Variants in HS3ST4 observed in about 807,000 individuals in gnomAD.
The protein encoded by HS3ST4 is heparan sulfate glucosamine 3-O-sulfotransferase 4.
HS3ST4 carries 17 observed loss-of-function variants against 29.2 expected under a neutral mutation model. That is an observed-to-expected ratio of 0.58 (90% confidence interval 0.40 to 0.87). The LOEUF is 0.87. HS3ST4 is among the 40% of genes least tolerant of loss of function. The probability of loss-of-function intolerance (pLI) is 0.00; values close to 1 mark genes in which losing one functional copy is unlikely to be tolerated. For synonymous variants in HS3ST4, 314 were observed against 285.7 expected (o/e 1.10, Z -1.00); for missense variants, 627 against 634.5 (o/e 0.99, Z 0.13).
At chr16:25,748,170 G>A (rs1966696301) in intron 1 of HS3ST4, among the ~76,000 whole-genome samples, 1 of 152,150 alleles carries the variant, frequency 6.6e-6, no homozygotes, top group South Asian at 2.1e-4. Context: ...CCCCAGAGCT[G>A]CTGCATCCTG....
chr16:25,950,770 C>T (rs1388080883), intron 1 of HS3ST4, among the ~76,000 whole-genome samples: 1 of 152,118 alleles, frequency 6.6e-6, no homozygotes, highest in Admixed American at 6.6e-5. Context: ...ATCAGCTGAG[C>T]TTGAGTTCCT....
chr16:26,136,043 A>C lies in HS3ST4; in HGVS notation c.1166A>C (p.Asn389Thr). 6.2e-7 allele frequency: 1 copy of C among 1,613,944 alleles called. No homozygotes were observed. Among genetic ancestry groups the C allele is most frequent in the South Asian group, 1.1e-5 (1 of 91,088 alleles). Reference protein sequence around the residue: ...RVVTEKHFYFNKTKGFPCLKK... With the variant: ...RVVTEKHFYFTKTKGFPCLKK... ...GTGACTGAGAAGCATTTCTATTTCA[A>C]CAAAACCAAGGGGTTCCCTTGCCTA... Residue 389 changes from asparagine to threonine, a missense_variant, in exon 2 of 2, where the codon AAC becomes ACC. Physicochemically the swap from Asn to Thr is moderately conservative, Grantham distance 65. Coordinates refer to ENST00000331351, the MANE Select transcript of HS3ST4 (RefSeq NM_006040.3).
chr16:25,882,438 T>C (rs1186783456), intron 1 of HS3ST4, among the ~76,000 whole-genome samples: 2 of 152,174 alleles, frequency 1.3e-5, no homozygotes, highest in Non-Finnish European at 2.9e-5. Context: ...CAGAGGGCTA[T>C]GTCAGCTTCA....
chr16:25,932,572 T>G (rs190645447), intron 1 of HS3ST4, among the ~76,000 whole-genome samples: 114 of 152,246 alleles, frequency 7.5e-4, no homozygotes, highest in African/African-American at 2.7e-3. Context: ...ATGTTATTAC[T>G]CCCACTACCT....
chr16:25,725,738 A>G (rs1966530806), intron 1 of HS3ST4, among the ~76,000 whole-genome samples: 1 of 150,702 alleles, frequency 6.6e-6, no homozygotes. Context: ...GAATGCAAAT[A>G]CATATAATTT....
At chr16:26,000,465 T>C (rs1969203007) in intron 1 of HS3ST4, among the ~76,000 whole-genome samples, 1 of 152,192 alleles carries the variant, frequency 6.6e-6, no homozygotes, top group South Asian at 2.1e-4. Flanking sequence ...GGAATACGTA[T>C]GTATCCTTGA....
At chr16:25,981,671 G>GA (rs35909887) in intron 1 of HS3ST4, among the ~76,000 whole-genome samples, 136,237 of 150,144 alleles carry the variant, frequency 0.91, 61,956 homozygotes, top group Admixed American at 0.94. Context: ...GGAGTACTTA[G>GA]ATAAACATTT....
At chr16:25,864,350 G>GA (rs57235072) in intron 1 of HS3ST4, among the ~76,000 whole-genome samples, 27,380 of 151,880 alleles carry the variant, frequency 0.18, 2,724 homozygotes, top group African/African-American at 0.27. Flanking sequence ...ACTTTTAAGT[G>GA]TGCAAAGCAT....
At chr16:26,080,878 G>T (rs1329135902) in intron 1 of HS3ST4, among the ~76,000 whole-genome samples, 2 of 152,182 alleles carry the variant, frequency 1.3e-5, no homozygotes, top group African/African-American at 4.8e-5. Flanking sequence ...CTGGGTGGTG[G>T]ATTGGATCAA....
chr16:25,984,754 C>T (rs950910989), intron 1 of HS3ST4, among the ~76,000 whole-genome samples: 2 of 152,342 alleles, frequency 1.3e-5, no homozygotes, highest in Non-Finnish European at 2.9e-5. Flanking sequence ...TACTTTTTTA[C>T]AGCTGCATAG....
chr16:25,980,362 A>C (rs1301772340), intron 1 of HS3ST4, among the ~76,000 whole-genome samples: 1 of 152,092 alleles, frequency 6.6e-6, no homozygotes, highest in Non-Finnish European at 1.5e-5. Flanking sequence ...CTCACTGTGG[A>C]TGTCATTTCA....
At chr16:26,018,112 A>G (rs978958504) in intron 1 of HS3ST4, among the ~76,000 whole-genome samples, 2 of 152,062 alleles carry the variant, frequency 1.3e-5, no homozygotes, top group African/African-American at 4.8e-5. Context: ...TTGTTGTTCA[A>G]CCTCACTAGT....
chr16:26,109,390 G>A (rs1158896327), intron 1 of HS3ST4, among the ~76,000 whole-genome samples: 1 of 152,158 alleles, frequency 6.6e-6, no homozygotes, highest in African/African-American at 2.4e-5. Flanking sequence ...TTGTGTGGTA[G>A]GCATTATGCA....
intron 1 of HS3ST4, among the ~76,000 whole-genome samples, chr16:25,796,271 G>C (rs1219539259): frequency 6.6e-6 from 1 of 152,138 alleles, no homozygotes; most frequent in Non-Finnish European, 1.5e-5. Flanking sequence ...AGAAAATTGA[G>C]CTCACCCTGG....
chr16:25,842,242 A>G (rs1382671958), intron 1 of HS3ST4, among the ~76,000 whole-genome samples: 4 of 152,226 alleles, frequency 2.6e-5, no homozygotes, highest in Admixed American at 2.6e-4. Flanking sequence ...TACACATGGC[A>G]CTATGAACCA....
intron 1 of HS3ST4, among the ~76,000 whole-genome samples, chr16:25,783,863 A>G (rs1016863222): frequency 2.0e-5 from 3 of 152,126 alleles, no homozygotes; most frequent in African/African-American, 7.2e-5. Flanking sequence ...GGTATACTTT[A>G]ATTTTTGTGC....
intron 1 of HS3ST4, among the ~76,000 whole-genome samples, chr16:26,022,136 A>T (rs1357413039): frequency 6.6e-6 from 1 of 151,898 alleles, no homozygotes; most frequent in Non-Finnish European, 1.5e-5. Flanking sequence ...CTAGTTTTTT[A>T]AAATTATTTT....
intron 1 of HS3ST4, among the ~76,000 whole-genome samples, chr16:26,107,088 C>T (rs2141800398): frequency 6.6e-6 from 1 of 152,164 alleles, no homozygotes; most frequent in East Asian, 1.9e-4. Flanking sequence ...CTGACAGTGC[C>T]TTGAATGGTT....
intron 1 of HS3ST4, among the ~76,000 whole-genome samples, chr16:26,028,066 A>C (rs1425517282): frequency 2.0e-5 from 3 of 152,134 alleles, no homozygotes; most frequent in Non-Finnish European, 4.4e-5. Context: ...TGAGGTCAGG[A>C]GTTCGAGACC....
Sources: allele counts gnomAD v4.1 joint callset (sites outside exome capture counted in the v4.1 genomes callset), GRCh38; gene constraint gnomAD v4.1.1; transcripts MANE v1.5; gene names NCBI Gene and HGNC (gene_info 2026-07-23, HGNC 2026-07-21).